The following MAN2A2 variants were observed in gnomAD, a reference collection of about 807,000 sequenced individuals.
The protein encoded by MAN2A2 is alpha-mannosidase 2x.
In MAN2A2, 79 loss-of-function variants were observed where a neutral mutation model predicts 126.8. The observed-to-expected ratio is 0.62, with a 90% CI of 0.52 to 0.75. MAN2A2 has a LOEUF of 0.75. MAN2A2 is among the 30% of genes least tolerant of loss of function. The pLI, the probability that MAN2A2 is intolerant of heterozygous loss-of-function variation, is 0.00. For missense variants in MAN2A2, 1,392 were observed against 1,522.4 expected, an observed-to-expected ratio of 0.91 and a Z score of 1.43; for synonymous variants, 671 against 618.7, an observed-to-expected ratio of 1.08 and a Z score of -1.25.
At chr15:90,909,973 TGTACA>T (rs1428037282) in intron 9 of MAN2A2, 112 bp from the exon 10 acceptor site, 1 of 848,254 alleles carries the variant, frequency 1.2e-6, no homozygotes, top group African/African-American at 1.7e-5. Flanking sequence ...AATGGCAGGA[TGTACA>T]GTTCCTGCTT....
At position 90,911,194 on chromosome 15, in the gene MAN2A2, C is replaced by A; in HGVS notation, c.1899C>A (p.Asp633Glu). ...LQVDDTRLSH[D>E]ALPERTVIQL... ...AGGATGACACTCGCTTAAGTCACGACGCCCTCCCAGAGCGCACGGTGATCC... is the reference window on the plus strand; with the variant it reads ...AGGATGACACTCGCTTAAGTCACGAAGCCCTCCCAGAGCGCACGGTGATCC... The change falls in exon 13 of 23, where the codon GAC (aspartate) becomes GAA (glutamate). Residue 633 changes from aspartate to glutamate, a missense_variant. Physicochemically the swap from Asp to Glu is conservative, Grantham distance 45. Coordinates refer to ENST00000559717, the MANE Select transcript of MAN2A2 (RefSeq NM_006122.4). 2 of 1,614,100 alleles carry A rather than the reference C, an allele frequency of 1.2e-6. No homozygotes were observed. Among genetic ancestry groups the A allele is most frequent in the Non-Finnish European group, 1.7e-6 (2 of 1,180,014 alleles).
rs1254061962 is a variant in MAN2A2 at position 90,909,487 on chromosome 15, C to A, written c.1357C>A (p.Pro453Thr). The change falls in exon 9 of 23, where the codon CCT becomes ACT. Residue 453 changes from proline (P) to threonine (T), a missense_variant. By Grantham distance (38) the Pro-to-Thr change is conservative (BLOSUM62 -1). Coordinates refer to ENST00000559717, the MANE Select transcript of MAN2A2 (RefSeq NM_006122.4). ...GCTCTTTGACTTCTTCAACAGCAGG[C>A]CTAACCTCCATGTGCAGGTGTGAGG... is the stretch of plus-strand genomic sequence containing the variant. The part of the protein sequence containing the change: ...QRLFDFFNSR[P>T]NLHVQAQFGT... 6 of 1,613,628 alleles carry A rather than the reference C, an allele frequency of 3.7e-6. No individual in the cohort carries two copies. The highest frequency in any genetic ancestry group is 1.3e-5 in the African/African-American group (1 of 74,916).
rs746738031 is a variant in MAN2A2 at position 90,912,944 on chromosome 15, C to T, written c.2537C>T (p.Ala846Val). The T allele has an allele frequency of 1.2e-5, 20 of 1,613,970 alleles. No homozygotes were observed. Among genetic ancestry groups the T allele is most frequent in the African/African-American group, 6.7e-5 (5 of 74,900 alleles). The change falls in exon 17 of 23, where the codon GCG becomes GTG. Residue 846 changes from alanine (A) to valine (V), a missense_variant. Physicochemically the swap from Ala to Val is moderately conservative, Grantham distance 64. Coordinates refer to ENST00000559717, the MANE Select transcript of MAN2A2 (RefSeq NM_006122.4). ...TEGPFFSEVVAYYEHIHQAVR... is the reference protein window; with the variant it reads ...TEGPFFSEVVVYYEHIHQAVR... ...GGCCCTTTCTTCTCAGAGGTGGTTG[C>T]GTACTATGAGCACATTCACCAGGCG... is the stretch of plus-strand genomic sequence containing the variant.
rs543439072 is a variant in MAN2A2, at chr15:90,921,365, T to C, written c.*1578T>C. 2 of 152,244 alleles carry C rather than the reference T, an allele frequency of 1.3e-5. No homozygotes were observed. Among genetic ancestry groups the C allele is most frequent in the African/African-American group, 4.8e-5 (2 of 41,536 alleles). The allele number at this position is 152,244 out of a possible 1,614,324, so 9.4% of individuals were successfully genotyped here. On this transcript the variant is annotated 3_prime_UTR_variant, in exon 23 of 23. Transcript: ENST00000559717. ...TCTAAAGTGCATTTGGGAGAGTGAA[T>C]GTGTGAGAACACTAAGACCACTCTG...
intron 15 of MAN2A2, 101 bp downstream of exon 15, chr15:90,912,380 C>T (rs531915958): frequency 5.1e-6 from 8 of 1,557,514 alleles, no homozygotes; most frequent in Admixed American, 3.4e-5. Context: ...AGCATTCTGC[C>T]ACCTGACCCA....
chr15:90,912,058 C>CGCCTGCCAGCCCTGG lies in MAN2A2; in HGVS notation c.2131_2145dup (p.Pro711_Leu715dup). On this transcript the variant is annotated inframe_insertion, in exon 15 of 23. Coordinates refer to ENST00000559717, the MANE Select transcript of MAN2A2 (RefSeq NM_006122.4). ...GTGCCCACAGGTGTCTGTGCCTGTC[C>CGCCTGCCAGCCCTGG]GCCTGCCAGCCCTGGGCCTGGGCGT... 1 of 1,612,124 alleles carries CGCCTGCCAGCCCTGG rather than the reference C, an allele frequency of 6.2e-7. No homozygotes were observed. The highest frequency in any genetic ancestry group is 1.1e-5 in the South Asian group (1 of 90,992).
At chr15:90,904,102 G>T in intron 1 of MAN2A2, 88 bp from the exon 2 acceptor site, 1 of 1,442,114 alleles carries the variant, frequency 6.9e-7, no homozygotes, top group Non-Finnish European at 9.7e-7. Context: ...CTTTGGAACA[G>T]CCCTCAGGAA....
chr15:90,916,243 C>T lies in MAN2A2; in HGVS notation c.2981C>T (p.Thr994Ile), dbSNP rs1216854996. The change falls in exon 20 of 23, where the codon ACC becomes ATC. Residue 994 changes from threonine (T) to isoleucine (I), a missense_variant. Physicochemically the swap from Thr to Ile is moderately conservative, Grantham distance 89 (BLOSUM62 -1). Coordinates refer to ENST00000559717, the MANE Select transcript of MAN2A2 (RefSeq NM_006122.4). ...NRFRLLLERR[T>I]VGSEVQDSHS... ...TTCCGCCTCCTGCTAGAGCGGCGAA[C>T]CGTGGGCAGTGAGGTAACATCTGGG... 1.2e-6 allele frequency: 2 copies of T among 1,613,818 alleles called. No individual in the cohort carries two copies. The highest frequency in any genetic ancestry group is 1.7e-6 in the Non-Finnish European group (2 of 1,179,908).
intron 22 of MAN2A2, among the ~76,000 whole-genome samples, chr15:90,919,427 C>T (rs528328546): frequency 5.1e-4 from 78 of 152,250 alleles, no homozygotes; most frequent in Admixed American, 2.2e-3. Context: ...TTAGTAGAGA[C>T]GGGGTTTCGC....
rs138296704 is a variant in MAN2A2, at chr15:90,905,361, C to A, written c.243C>A (p.Asn81Lys). 9.9e-4 allele frequency: 1,595 copies of A among 1,613,828 alleles called. 2 individuals carry two copies. Among genetic ancestry groups the A allele is most frequent in the Admixed American group, 1.2e-3 (73 of 60,034 alleles). The change falls in exon 3 of 23, where the codon AAC becomes AAA. Residue 81 changes from asparagine to lysine, a missense_variant. By Grantham distance (94) the Asn-to-Lys change is moderately conservative. Coordinates refer to ENST00000559717, the MANE Select transcript of MAN2A2 (RefSeq NM_006122.4). ...ACTCCGTGCTGGAGCTGACAGCCAA[C>A]GCAGAGGGCCCGCCCGCCATGCTGC... ...IKDSVLELTA[N>K]AEGPPAMLPY... is the part of the protein sequence containing the mutation.
intron 19 of MAN2A2, chr15:90,915,468 C>T (rs1177151829): frequency 6.6e-6 from 1 of 152,326 alleles, no homozygotes; most frequent in Non-Finnish European, 1.5e-5. Flanking sequence ...AGCCCCTGCT[C>T]CAAGCATACT....
intron 20 of MAN2A2, chr15:90,916,793 C>T: frequency 8.2e-6 from 5 of 611,364 alleles, no homozygotes; most frequent in Non-Finnish European, 1.3e-5. Flanking sequence ...CTGTGAGGAC[C>T]CAGAGGGACA....
intron 8 of MAN2A2, among the ~76,000 whole-genome samples, chr15:90,909,016 C>T (rs761405065): frequency 2.6e-5 from 4 of 152,124 alleles, no homozygotes; most frequent in African/African-American, 4.8e-5. Context: ...GATATGGCTC[C>T]GGGGTCCAGA....
At chr15:90,906,993 C>G in intron 7 of MAN2A2, 80 bp downstream of exon 7, 1 of 1,531,370 alleles carries the variant, frequency 6.5e-7, no homozygotes. Context: ...ACTAAGACCC[C>G]CACTGTTCTT....
At chr15:90,910,825 C>T (rs2034668382) in intron 11 of MAN2A2, 22 bp from the exon 12 acceptor site, 2 of 1,608,804 alleles carry the variant, frequency 1.2e-6, no homozygotes, top group Non-Finnish European at 8.5e-7. Context: ...TTCTCTCCTT[C>T]CCTCTCCTGC....
rs1364864243 is a variant in MAN2A2, at chr15:90,912,360, C to T, written c.2346+81C>T. 47 of 1,571,076 alleles carry T rather than the reference C, an allele frequency of 3.0e-5. 1 individual carries two copies. Among genetic ancestry groups the T allele is most frequent in the South Asian group, 2.2e-4 (20 of 89,096 alleles). ...GGTGGCACTGTGCAGAGCGGCCTCC[C>T]GGCCCTGTGAGCATTCTGCCACCTG... On this transcript the variant is annotated intron_variant, in intron 15 of 22. Transcript: ENST00000559717.
intron 20 of MAN2A2, among the ~76,000 whole-genome samples, chr15:90,916,840 T>C (rs2035226170): frequency 6.6e-6 from 1 of 152,182 alleles, no homozygotes; most frequent in Non-Finnish European, 1.5e-5. Flanking sequence ...AGGAGTTTAC[T>C]CGTGAGTAGG....
chr15:90,916,579 C>T, intron 20 of MAN2A2: 1 of 1,356,940 alleles, frequency 7.4e-7, no homozygotes, highest in Middle Eastern at 2.0e-4. Flanking sequence ...TTTCTTTGCC[C>T]CACCAGCCTG....
Position 90,906,487 on chromosome 15 carries a change from G to A in MAN2A2, c.825G>A (p.Glu275=), listed in dbSNP as rs985500650. The A allele has an allele frequency of 3.1e-6, 5 of 1,614,178 alleles. No individual in the cohort carries two copies. The highest frequency in any genetic ancestry group is 4.2e-6 in the Non-Finnish European group (5 of 1,180,006). Reference sequence around the variant, plus strand: ...TCATCGAAGGACACCAGTGGCTGGAGAGAAATCTTGGTAAGTCCAGGCCCA... The same window carrying A: ...TCATCGAAGGACACCAGTGGCTGGAAAGAAATCTTGGTAAGTCCAGGCCCA... ...DQLIEGHQWL[E]RNLGATPRSG... is the part of the protein sequence containing the mutation. The change falls in exon 6 of 23, where the codon GAG becomes GAA. Residue 275 remains glutamate, a synonymous_variant. Transcript: ENST00000559717.
Sources: gnomAD v4.1 joint callset for allele counts (sites outside exome capture counted in the v4.1 genomes callset) on GRCh38, gnomAD v4.1.1 for gene constraint, MANE v1.5 for transcripts, NCBI Gene and HGNC (gene_info 2026-07-23, HGNC 2026-07-21) for gene names.